STAU1: variants seen among roughly 807,000 people sequenced by gnomAD.
STAU1 encodes staufen double-stranded RNA binding protein 1, also known as double-stranded RNA-binding protein Staufen homolog 1.
Under a neutral mutation model 62.9 loss-of-function variants are expected in STAU1, and 13 were observed. The observed-to-expected ratio is 0.21, with a 90% CI of 0.13 to 0.33. STAU1 has a LOEUF of 0.33. Among genes scored for constraint, STAU1 ranks in the 10% least tolerant of loss-of-function variants. STAU1 has a pLI of 1.00. For synonymous variants in STAU1, 269 were observed against 265.1 expected (o/e 1.01, Z -0.14); for missense variants, 571 against 712.1 (o/e 0.80, Z 2.25).
At chr20:49,154,183 A>T in intron 3 of STAU1, 112 bp from the exon 4 acceptor site, 1 of 1,166,478 alleles carries the variant, frequency 8.6e-7, no homozygotes, top group Non-Finnish European at 1.2e-6. Flanking sequence ...TACTTTACAT[A>T]AAAGGACCTG....
intron 5 of STAU1, among the ~76,000 whole-genome samples, chr20:49,140,036 A>AT (rs1481282786): frequency 6.6e-6 from 1 of 151,822 alleles, no homozygotes; most frequent in Non-Finnish European, 1.5e-5. Context: ...AAATACAAAA[A>AT]TTAGCTGAGC....
chr20:49,123,068 CG>C (rs1568826094), intron 8 of STAU1, 23 bp downstream of exon 8: 1 of 1,552,846 alleles, frequency 6.4e-7, no homozygotes, highest in South Asian at 1.2e-5. Flanking sequence ...GAGGAAGGGG[CG>C]CCCATCATCC....
chr20:49,115,013 T>C (rs1364420787), intron 13 of STAU1, 120 bp from the exon 14 acceptor site: 24 of 1,077,748 alleles, frequency 2.2e-5, no homozygotes, highest in Non-Finnish European at 3.3e-5. Flanking sequence ...CCCCAGTTTA[T>C]GATAACAAAA....
chr20:49,139,414 G>C (rs967424646), intron 5 of STAU1, among the ~76,000 whole-genome samples: 1 of 152,124 alleles, frequency 6.6e-6, no homozygotes, highest in Non-Finnish European at 1.5e-5. Flanking sequence ...CACTTACACA[G>C]GCATTTCTCT....
the STAU1 span, among the ~76,000 whole-genome samples, chr20:49,200,478 G>A: frequency 1.1e-4 from 16 of 152,062 alleles, no homozygotes; most frequent in Middle Eastern, 3.2e-3. Context: ...GCGGGCGCCT[G>A]TAGTCACAGC....
chr20:49,187,784 C>CT (rs1299328836), intron 1 of STAU1, among the ~76,000 whole-genome samples: 1 of 150,726 alleles, frequency 6.6e-6, no homozygotes, highest in African/African-American at 2.4e-5. Flanking sequence ...CCCCCCCCCC[C>CT]CCCCGCCTGC....
chr20:49,168,120 G>A (rs1221237370), intron 2 of STAU1, among the ~76,000 whole-genome samples: 5 of 148,010 alleles, frequency 3.4e-5, no homozygotes, highest in Non-Finnish European at 7.4e-5. Flanking sequence ...GAGCTTTGTC[G>A]CCCAGGCTGG....
At chr20:49,124,035 G>T (rs2092532174) in intron 7 of STAU1, among the ~76,000 whole-genome samples, 1 of 152,188 alleles carries the variant, frequency 6.6e-6, no homozygotes, top group African/African-American at 2.4e-5. Context: ...CTTCAGAACA[G>T]CAACATGGTC....
chr20:49,122,609 C>G (rs764811652), intron 8 of STAU1, among the ~76,000 whole-genome samples: 1 of 152,148 alleles, frequency 6.6e-6, no homozygotes, highest in Non-Finnish European at 1.5e-5. Flanking sequence ...TATTGCAAGC[C>G]ACAAGGTCTT....
intron 1 of STAU1, among the ~76,000 whole-genome samples, chr20:49,182,663 C>G (rs1463838267): frequency 6.6e-6 from 1 of 151,962 alleles, no homozygotes; most frequent in Non-Finnish European, 1.5e-5. Flanking sequence ...ACGGTGAAAC[C>G]CCATCTCTAC....
chr20:49,164,483 A>T (rs2093496404), intron 3 of STAU1, among the ~76,000 whole-genome samples: 1 of 147,680 alleles, frequency 6.8e-6, no homozygotes, highest in Non-Finnish European at 1.5e-5. Flanking sequence ...TATAGATGGG[A>T]TTTCACCATG....
intron 3 of STAU1, among the ~76,000 whole-genome samples, chr20:49,162,625 A>G (rs1033623888): frequency 8.6e-5 from 13 of 151,462 alleles, no homozygotes; most frequent in Admixed American, 6.6e-4. Flanking sequence ...ATACCAAAAA[A>G]ATTAGCCGGG....
the STAU1 span, among the ~76,000 whole-genome samples, chr20:49,203,018 G>T: frequency 2.6e-5 from 4 of 152,116 alleles, no homozygotes; most frequent in African/African-American, 7.2e-5. Context: ...CTCCAGCCTG[G>T]ATGACAGAGG....
At chr20:49,190,180 TCAGA>T (rs2093829002), upstream of STAU1, among the ~76,000 whole-genome samples, 1 of 152,232 alleles carries the variant, frequency 6.6e-6, no homozygotes, top group Admixed American at 6.5e-5. Flanking sequence ...CTGCGCACAA[TCAGA>T]CAATCTCGTC....
At chr20:49,129,391 G>A (rs189686361) in intron 6 of STAU1, among the ~76,000 whole-genome samples, 1 of 143,898 alleles carries the variant, frequency 6.9e-6, no homozygotes, top group Non-Finnish European at 1.5e-5. Flanking sequence ...GGGTTCAAGC[G>A]TTTCTCCTCC....
At chr20:49,154,197 G>A in intron 3 of STAU1, 126 bp from the exon 4 acceptor site, 1 of 958,044 alleles carries the variant, frequency 1.0e-6, no homozygotes, top group Non-Finnish European at 1.5e-6. Flanking sequence ...GGACCTGGGT[G>A]GCTCACTGCT....
chr20:49,160,072 T>C (rs2093425027), intron 3 of STAU1, among the ~76,000 whole-genome samples: 1 of 152,228 alleles, frequency 6.6e-6, no homozygotes, highest in South Asian at 2.1e-4. Flanking sequence ...CAGGTTAACA[T>C]ATATGCTCTC....
intron 12 of STAU1, 145 bp from the exon 13 acceptor site, chr20:49,116,012 G>T (rs1282288888): frequency 6.9e-6 from 4 of 578,382 alleles, no homozygotes; most frequent in South Asian, 2.3e-5. Context: ...ATAAAACTTT[G>T]AATTTTTAAT....
chr20:49,168,863 CA>C (rs2093561030), intron 2 of STAU1, among the ~76,000 whole-genome samples: 3 of 152,028 alleles, frequency 2.0e-5, no homozygotes, highest in Non-Finnish European at 4.4e-5. Context: ...CCACACAATA[CA>C]ATCTTACTAA....
Sources: gnomAD v4.1 joint callset for allele counts (sites outside exome capture counted in the v4.1 genomes callset) on GRCh38, gnomAD v4.1.1 for gene constraint, MANE v1.5 for transcripts, NCBI Gene and HGNC (gene_info 2026-07-23, HGNC 2026-07-21) for gene names.